The following AK5 variants were observed in gnomAD, a reference collection of about 807,000 sequenced individuals.
AK5 encodes the protein adenylate kinase 5.
A neutral mutation model predicts 69.5 loss-of-function variants in AK5; 27 were observed. That is an observed-to-expected ratio of 0.39 (90% CI 0.29 to 0.54). The LOEUF (loss-of-function observed/expected upper bound fraction) is 0.54, where lower values mean the gene tolerates loss of function less well. Among genes scored for constraint, AK5 ranks in the 20% least tolerant of loss-of-function variants. AK5 has a pLI of 0.71. For missense variants in AK5, 531 were observed against 700.4 expected (o/e 0.76, Z 2.73); for synonymous variants, 260 against 244.4 (o/e 1.06, Z -0.60).
intron 8 of AK5, among the ~76,000 whole-genome samples, chr1:77,422,055 C>G (rs892674923): frequency 2.6e-5 from 4 of 152,200 alleles, no homozygotes; most frequent in Non-Finnish European, 4.4e-5. Context: ...TCCTTCTGTT[C>G]TTCCTATTTC....
chr1:77,285,987 T>C (rs1176923214), intron 1 of AK5, among the ~76,000 whole-genome samples: 2 of 152,152 alleles, frequency 1.3e-5, no homozygotes, highest in African/African-American at 2.4e-5. Context: ...GAAAGACTAT[T>C]GCATAACCGA....
chr1:77,415,766 A>G (rs1302249223), intron 7 of AK5, among the ~76,000 whole-genome samples: 1 of 152,190 alleles, frequency 6.6e-6, no homozygotes, highest in Admixed American at 6.5e-5. Flanking sequence ...GGGTCTGTAT[A>G]AACCCATTTC....
chr1:77,392,554 G>T (rs1007357148), intron 6 of AK5, among the ~76,000 whole-genome samples: 5 of 152,188 alleles, frequency 3.3e-5, no homozygotes, highest in African/African-American at 1.2e-4. Context: ...TAGAAAGAGA[G>T]AACCTATATT....
At chr1:77,435,758 CTGT>C (rs1651920886) in intron 8 of AK5, among the ~76,000 whole-genome samples, 1 of 152,046 alleles carries the variant, frequency 6.6e-6, no homozygotes, top group Non-Finnish European at 1.5e-5. Flanking sequence ...CAAGAAAACT[CTGT>C]TGTTCTAATA....
chr1:77,511,987 C>A (rs1203698990), intron 10 of AK5, among the ~76,000 whole-genome samples: 1 of 152,090 alleles, frequency 6.6e-6, no homozygotes, highest in Admixed American at 6.6e-5. Flanking sequence ...AAATAACGAA[C>A]GCTCAGTTTC....
chr1:77,359,698 T>G (rs1402383076), intron 6 of AK5, among the ~76,000 whole-genome samples: 1 of 152,176 alleles, frequency 6.6e-6, no homozygotes, highest in East Asian at 1.9e-4. Context: ...ATATTTGCCA[T>G]AAGGGAAAGT....
At chr1:77,295,818 TG>T (rs1406052707) in intron 3 of AK5, among the ~76,000 whole-genome samples, 1 of 152,188 alleles carries the variant, frequency 6.6e-6, no homozygotes, top group Non-Finnish European at 1.5e-5. Context: ...GTGTGTACTA[TG>T]AATTTTATAT....
chr1:77,328,451 G>T (rs1660918765), intron 5 of AK5, among the ~76,000 whole-genome samples: 1 of 151,456 alleles, frequency 6.6e-6, no homozygotes, highest in Non-Finnish European at 1.5e-5. Flanking sequence ...AGTGAGCCGA[G>T]ATCGCACCGT....
At chr1:77,345,895 C>A (rs114572384) in intron 6 of AK5, among the ~76,000 whole-genome samples, 3,065 of 152,226 alleles carry the variant, frequency 0.02, 35 homozygotes, top group Non-Finnish European at 0.033. Context: ...TTGAGTCCCC[C>A]CAAACAGAAC....
rs545322082 is a variant in AK5 at position 77,558,882 on chromosome 1, T to G, written c.*212T>G. The G allele has an allele frequency of 4.9e-5, 26 of 526,982 alleles. No individual in the cohort carries two copies. In the East Asian group the frequency reaches 6.2e-4, roughly 12 times the overall value. The allele number at this position is 526,982 out of a possible 1,614,324, so 32.6% of individuals were successfully genotyped here. A position where few individuals can be genotyped will look rare whatever the true frequency, so the allele number is the denominator to read the frequency against. ...TATTTGGGACTATATCAACCTATTC[T>G]CCACACTTCAGACAACTGTCTGCAC... On this transcript the variant is annotated 3_prime_UTR_variant, in exon 14 of 14. Coordinates refer to ENST00000354567, the MANE Select transcript of AK5 (RefSeq NM_174858.3).
chr1:77,401,122 T>C (rs1570505698), intron 6 of AK5, among the ~76,000 whole-genome samples: 1 of 152,138 alleles, frequency 6.6e-6, no homozygotes, highest in African/African-American at 2.4e-5. Context: ...GCTTTAGAAA[T>C]ATGGTTCTGC....
At chr1:77,312,088 T>C (rs1345743054) in intron 5 of AK5, among the ~76,000 whole-genome samples, 1 of 152,176 alleles carries the variant, frequency 6.6e-6, no homozygotes, top group East Asian at 1.9e-4. Flanking sequence ...AAGTCCATGG[T>C]AGCAGAAGTA....
At chr1:77,396,213 A>G (rs1175555112) in intron 6 of AK5, among the ~76,000 whole-genome samples, 1 of 152,234 alleles carries the variant, frequency 6.6e-6, no homozygotes, top group African/African-American at 2.4e-5. Flanking sequence ...TAGCATCAAA[A>G]GCATTTATAA....
intron 8 of AK5, among the ~76,000 whole-genome samples, chr1:77,460,129 A>G (rs1653743433): frequency 6.6e-6 from 1 of 152,230 alleles, no homozygotes; most frequent in Non-Finnish European, 1.5e-5. Context: ...TGAGGCATCA[A>G]GACAAAAATA....
At chr1:77,318,246 G>A (rs528029617) in intron 5 of AK5, among the ~76,000 whole-genome samples, 2 of 152,078 alleles carry the variant, frequency 1.3e-5, no homozygotes, top group Non-Finnish European at 2.9e-5. Context: ...CACATGGCTG[G>A]AGCAGGAGGA....
chr1:77,550,497 G>A (rs1659771403), intron 13 of AK5, among the ~76,000 whole-genome samples: 1 of 152,170 alleles, frequency 6.6e-6, no homozygotes, highest in Admixed American at 6.5e-5. Flanking sequence ...CAATTACTGA[G>A]GAAGTCTCAT....
chr1:77,512,799 T>C (rs1657424469), intron 10 of AK5, among the ~76,000 whole-genome samples: 1 of 151,926 alleles, frequency 6.6e-6, no homozygotes, highest in South Asian at 2.1e-4. Context: ...ATTAAGAAAA[T>C]GTGGCACATA....
chr1:77,343,758 GA>G (rs1661777737), intron 6 of AK5, among the ~76,000 whole-genome samples: 2 of 152,186 alleles, frequency 1.3e-5, no homozygotes, highest in African/African-American at 4.8e-5. Flanking sequence ...AAGGGTAAAT[GA>G]CATGATTGAT....
chr1:77,441,719 G>T (rs72681657), intron 8 of AK5, among the ~76,000 whole-genome samples: 16,607 of 152,262 alleles, frequency 0.11, 1,022 homozygotes, highest in South Asian at 0.17. Flanking sequence ...TAGCTGAGAG[G>T]ATCCTTCTTG....
Sources: allele counts gnomAD v4.1 joint callset (sites outside exome capture counted in the v4.1 genomes callset), GRCh38; gene constraint gnomAD v4.1.1; transcripts MANE v1.5; gene names NCBI Gene and HGNC (gene_info 2026-07-23, HGNC 2026-07-21).